The following RAB1A variants were observed in gnomAD, a reference collection of about 807,000 sequenced individuals.
RAB1A encodes the protein ras-related protein Rab-1A.
Under a neutral mutation model 26.0 loss-of-function variants are expected in RAB1A, and 2 were observed. That is an observed-to-expected ratio of 0.08 (90% CI 0.03 to 0.24). RAB1A has a LOEUF of 0.24. RAB1A is among the 10% of genes least tolerant of loss of function. The pLI is 1.00. For synonymous variants in RAB1A, 84 were observed against 84.9 expected, an observed-to-expected ratio of 0.99 and a Z score of 0.06; for missense variants, 100 against 247.0, an observed-to-expected ratio of 0.40 and a Z score of 3.99.
At chr2:65,096,568 T>C (rs1226818901) in intron 3 of RAB1A, among the ~76,000 whole-genome samples, 1 of 152,182 alleles carries the variant, frequency 6.6e-6, no homozygotes, top group Non-Finnish European at 1.5e-5. Flanking sequence ...GGTAGATCTT[T>C]ATGTGCTCTT....
Position 65,129,945 on chromosome 2 carries a change from C to T in RAB1A, c.-30G>A. On this transcript the variant is annotated 5_prime_UTR_variant, in exon 1 of 6. Coordinates refer to ENST00000409784, the MANE Select transcript of RAB1A (RefSeq NM_004161.5). ...CTGCAGCTGCCGCCGCCGCCACCGCCGCCCTTGCTGCCGCAGCCGCCGCCC... is the reference window on the plus strand; with the variant it reads ...CTGCAGCTGCCGCCGCCGCCACCGCTGCCCTTGCTGCCGCAGCCGCCGCCC... 1 of 1,580,440 alleles carries T rather than the reference C, an allele frequency of 6.3e-7. No homozygotes were observed. The highest frequency in any genetic ancestry group is 1.2e-5 in the South Asian group (1 of 86,514).
intron 1 of RAB1A, among the ~76,000 whole-genome samples, chr2:65,112,826 G>T (rs892316185): frequency 6.6e-6 from 1 of 152,112 alleles, no homozygotes; most frequent in Non-Finnish European, 1.5e-5. Flanking sequence ...GTCTACTTTC[G>T]CAATATTGGA....
chr2:65,096,247 G>A (rs548426585), intron 3 of RAB1A, among the ~76,000 whole-genome samples: 2 of 152,180 alleles, frequency 1.3e-5, no homozygotes, highest in Admixed American at 6.5e-5. Context: ...CCCAGGAGGC[G>A]GAGGTTGCAG....
At chr2:65,094,770 T>A (rs1669246262) in intron 3 of RAB1A, among the ~76,000 whole-genome samples, 2 of 152,126 alleles carry the variant, frequency 1.3e-5, no homozygotes, top group South Asian at 4.1e-4. Flanking sequence ...ATTTACCTCA[T>A]GTGTTATATC....
At chr2:65,107,180 C>G (rs1669582061) in intron 1 of RAB1A, among the ~76,000 whole-genome samples, 1 of 152,030 alleles carries the variant, frequency 6.6e-6, no homozygotes, top group South Asian at 2.1e-4. Context: ...ATTCTCCTGC[C>G]TCAGCCTCTG....
At position 65,105,641 on chromosome 2, in the gene RAB1A, AT is replaced by A. The variant is rs1322488147; in HGVS notation, c.24-836del. ...ATTCTCCCGTCAAAACAATGTTCAT[AT>A]AACTTCTGAAAGCCCATATTATAAA... On this transcript the variant is annotated intron_variant, in intron 1 of 5. Coordinates refer to ENST00000409784, the MANE Select transcript of RAB1A (RefSeq NM_004161.5). 2.6e-5 allele frequency among the ~76,000 whole-genome samples: 4 copies of A among 152,036 alleles called. No individual in the cohort carries two copies. The East Asian group carries it at 7.7e-4, about 29-fold the overall frequency.
chr2:65,108,597 G>A (rs1394538609), intron 1 of RAB1A, among the ~76,000 whole-genome samples: 5 of 151,126 alleles, frequency 3.3e-5, no homozygotes, highest in Non-Finnish European at 7.4e-5. Context: ...ACCTGAGGTT[G>A]GGAGTTCGAG....
intron 3 of RAB1A, among the ~76,000 whole-genome samples, chr2:65,094,160 G>A (rs1379191397): frequency 2.0e-5 from 3 of 151,926 alleles, no homozygotes; most frequent in Admixed American, 6.6e-5. Context: ...GGTAGAGACA[G>A]GGTTTCACCA....
intron 2 of RAB1A, among the ~76,000 whole-genome samples, chr2:65,101,423 T>C (rs1669423841): frequency 6.6e-6 from 1 of 152,168 alleles, no homozygotes; most frequent in Admixed American, 6.6e-5. Context: ...TTCTTTATTA[T>C]AGTCCTCACG....
At chr2:65,127,911 T>A (rs1485058017) in intron 1 of RAB1A, among the ~76,000 whole-genome samples, 1 of 152,072 alleles carries the variant, frequency 6.6e-6, no homozygotes, top group African/African-American at 2.4e-5. Flanking sequence ...TTTTTTTGCA[T>A]TTTTAGTAGA....
chr2:65,113,846 G>A (rs1669760131), intron 1 of RAB1A, among the ~76,000 whole-genome samples: 1 of 152,234 alleles, frequency 6.6e-6, no homozygotes. Context: ...GCTGGAGCAG[G>A]AAGTCTAAAC....
rs1553392771 is a variant in RAB1A at position 65,103,304 on chromosome 2, A to AAAAAAAACAAAAAAAAC, written c.96+1429_96+1430insGTTTTTTTTGTTTTTTT. Among the ~76,000 whole-genome samples the AAAAAAAACAAAAAAAAC allele has an allele frequency of 3.1e-4, 35 of 112,534 alleles. 1 individual carries two copies. Among genetic ancestry groups the AAAAAAAACAAAAAAAAC allele is most frequent in the East Asian group, 1.1e-3 (4 of 3,602 alleles). 73.8% of individuals were successfully genotyped at this position (112,534 alleles called of 152,430 possible). A position where few individuals can be genotyped will look rare whatever the true frequency, so the allele number is the denominator to read the frequency against. Reference sequence around the variant, plus strand: ...AACACAGCCAGAATCTGTCTCAAAAAAAAAAAAAAACATTGTTTTATGTGA... The same window carrying AAAAAAAACAAAAAAAAC: ...AACACAGCCAGAATCTGTCTCAAAAAAAAAAAACAAAAAAAACAAAAAAAAAACATTGTTTTATGTGA... On this transcript the variant is annotated intron_variant, in intron 2 of 5. Coordinates refer to ENST00000409784, the MANE Select transcript of RAB1A (RefSeq NM_004161.5).
chr2:65,122,070 T>A (rs899480062), intron 1 of RAB1A, among the ~76,000 whole-genome samples: 12 of 139,506 alleles, frequency 8.6e-5, no homozygotes, highest in African/African-American at 3.2e-4. Context: ...GCAGAAGAAA[T>A]GCTGGAACCC....
chr2:65,129,940 A>ACCGCCGCCCTTGCTGCCGCAG lies in RAB1A; in HGVS notation c.-46_-26dup. On this transcript the variant is annotated 5_prime_UTR_variant, in exon 1 of 6. Coordinates refer to ENST00000409784, the MANE Select transcript of RAB1A (RefSeq NM_004161.5). ...TGTCACTGCAGCTGCCGCCGCCGCC[A>ACCGCCGCCCTTGCTGCCGCAG]CCGCCGCCCTTGCTGCCGCAGCCGC... 1 of 1,577,440 alleles carries ACCGCCGCCCTTGCTGCCGCAG rather than the reference A, an allele frequency of 6.3e-7. No individual in the cohort carries two copies. Among genetic ancestry groups the ACCGCCGCCCTTGCTGCCGCAG allele is most frequent in the Non-Finnish European group, 8.6e-7 (1 of 1,164,350 alleles).
intron 3 of RAB1A, among the ~76,000 whole-genome samples, chr2:65,096,044 T>C (rs1000095435): frequency 2.0e-5 from 3 of 152,036 alleles, no homozygotes; most frequent in African/African-American, 7.2e-5. Flanking sequence ...TCCCAGCTAC[T>C]CAGGAGGCTG....
rs1422058560 is a variant in RAB1A, at chr2:65,088,179, T to C, written c.*314A>G. On this transcript the variant is annotated 3_prime_UTR_variant, in exon 6 of 6. Coordinates refer to ENST00000409784, the MANE Select transcript of RAB1A (RefSeq NM_004161.5). ...AACCTGACATCTAAACATGCCAATA[T>C]AAACATCAAAACAAAATATATTCTA... 8.5e-6 allele frequency: 2 copies of C among 234,714 alleles called. No individual in the cohort carries two copies. Among genetic ancestry groups the C allele is most frequent in the Non-Finnish European group, 1.6e-5 (2 of 122,472 alleles). The allele number at this position is 234,714 out of a possible 1,614,324, so 14.5% of individuals were successfully genotyped here. A position where few individuals can be genotyped will look rare whatever the true frequency, so the allele number is the denominator to read the frequency against.
intron 4 of RAB1A, among the ~76,000 whole-genome samples, chr2:65,090,711 A>T (rs750470962): frequency 6.6e-6 from 1 of 151,396 alleles, no homozygotes; most frequent in South Asian, 2.1e-4. Flanking sequence ...TATATGTTAG[A>T]GTCTTGGCTA....
chr2:65,129,488 G>A (rs952091765), intron 1 of RAB1A, among the ~76,000 whole-genome samples: 4 of 152,206 alleles, frequency 2.6e-5, no homozygotes, highest in South Asian at 2.1e-4. Context: ...CGCAGAGTGC[G>A]GGCGCAGGGT....
chr2:65,130,039 TC>T lies in RAB1A; in HGVS notation c.-125del, dbSNP rs1670203088. 9 of 1,070,592 alleles carry T rather than the reference TC, an allele frequency of 8.4e-6. No homozygotes were observed. In the Middle Eastern group the frequency reaches 9.9e-4, roughly 117 times the overall value. The allele number at this position is 1,070,592 out of a possible 1,614,324, so 66.3% of individuals were successfully genotyped here. On this transcript the variant is annotated 5_prime_UTR_variant, in exon 1 of 6. Coordinates refer to ENST00000409784, the MANE Select transcript of RAB1A (RefSeq NM_004161.5). The stretch of plus-strand genomic sequence containing the variant: ...GGCTGTTCCGGGAGAGCAAACGTCT[TC>T]CCCTACTCCGTCCCCTAGAACACAA...
Sources: allele counts gnomAD v4.1 joint callset (sites outside exome capture counted in the v4.1 genomes callset), GRCh38; gene constraint gnomAD v4.1.1; transcripts MANE v1.5; gene names NCBI Gene and HGNC (gene_info 2026-07-23, HGNC 2026-07-21).